Variants in CLPTM1L observed in about 807,000 individuals in gnomAD.
The protein encoded by CLPTM1L is CLPTM1 like.
In CLPTM1L, 38 loss-of-function variants were observed where a neutral mutation model predicts 70.9. The ratio of observed to expected loss-of-function variants is 0.54; its 90% CI spans 0.41 to 0.70. CLPTM1L has a LOEUF of 0.70. CLPTM1L is among the 30% of genes least tolerant of loss of function. The probability of loss-of-function intolerance (pLI) is 0.00; values close to 1 mark genes in which losing one functional copy is unlikely to be tolerated. For missense variants in CLPTM1L, 652 were observed against 705.9 expected (o/e 0.92, Z 0.87); for synonymous variants, 339 against 299.9 (o/e 1.13, Z -1.35).
At position 1,344,923 on chromosome 5, in the gene CLPTM1L, G is replaced by A. The variant is rs955324644; in HGVS notation, c.-82C>T. On this transcript the variant is annotated 5_prime_UTR_variant, in exon 1 of 17. Transcript: ENST00000320895. The stretch of plus-strand genomic sequence containing the variant: ...CGCCCGGCGCCCAGCCCGCCGCTCC[G>A]GGCTCCGCCGCTCACTGGAGAGCCG... The A allele has an allele frequency of 9.7e-6, 8 of 822,926 alleles. No individual in the cohort carries two copies. The highest frequency in any genetic ancestry group is 2.0e-5 in the African/African-American group (1 of 49,014). 51.0% of individuals were successfully genotyped at this position (822,926 alleles called of 1,614,324 possible).
In CLPTM1L at chr5:1,321,638, G is replaced by C. The variant is rs952585459; in HGVS notation, c.1413C>G (p.Tyr471Ter). 5 of 1,612,676 alleles carry C rather than the reference G, an allele frequency of 3.1e-6. No individual in the cohort carries two copies. The part of the protein sequence containing the change: ...VAHLPWKAFT[Y>*]KAFNTFIDDV... Reference sequence around the variant, plus strand: ...CCTCACCGGCTGTCACACTCACCTTGTAGGTGAAGGCCTTCCAGGGCAGAT... The same window carrying C: ...CCTCACCGGCTGTCACACTCACCTTCTAGGTGAAGGCCTTCCAGGGCAGAT... Residue 471 changes from tyrosine to a stop codon, truncating the protein, a stop_gained, in exon 15 of 17, where the codon TAC (tyrosine) becomes TAG (stop). Coordinates refer to ENST00000320895, the MANE Select transcript of CLPTM1L (RefSeq NM_030782.5). LOFTEE classifies it high-confidence loss of function.
chr5:1,343,473 G>A (rs1414484848), intron 2 of CLPTM1L, among the ~76,000 whole-genome samples: 4 of 152,326 alleles, frequency 2.6e-5, no homozygotes, highest in East Asian at 1.9e-4. Flanking sequence ...TACACGGCCC[G>A]GCACGGAAGA....
chr5:1,325,238 A>C, intron 10 of CLPTM1L: 1 of 255,224 alleles, frequency 3.9e-6, no homozygotes, highest in Admixed American at 5.0e-5. Context: ...GGAAAATCTC[A>C]GCCTGTGACT....
chr5:1,328,491 T>C (rs1181628765), intron 9 of CLPTM1L, among the ~76,000 whole-genome samples: 1 of 147,078 alleles, frequency 6.8e-6, no homozygotes, highest in African/African-American at 2.6e-5. Flanking sequence ...ATCCAGCTCC[T>C]CCTCTACAGA....
chr5:1,330,177 A>C, intron 9 of CLPTM1L, 103 bp downstream of exon 9: 3 of 910,962 alleles, frequency 3.3e-6, no homozygotes, highest in Non-Finnish European at 3.6e-6. Flanking sequence ...GAACAAGCAC[A>C]CAGGCTTCCA....
chr5:1,334,153 AGT>A, intron 7 of CLPTM1L, 134 bp downstream of exon 7: 1 of 590,582 alleles, frequency 1.7e-6, no homozygotes, highest in Non-Finnish European at 3.0e-6. Flanking sequence ...CTGGCTGCTG[AGT>A]GATGGGAGTG....
intron 16 of CLPTM1L, among the ~76,000 whole-genome samples, chr5:1,320,000 G>T (rs1217335952): frequency 6.6e-6 from 1 of 152,214 alleles, no homozygotes; most frequent in Non-Finnish European, 1.5e-5. Flanking sequence ...GGCCCAGGGT[G>T]GGGCCTGAGC....
chr5:1,341,989 C>G, intron 2 of CLPTM1L, 129 bp from the exon 3 acceptor site: 1 of 693,594 alleles, frequency 1.4e-6, no homozygotes, highest in Non-Finnish European at 2.4e-6. Context: ...TGAAACCCAC[C>G]TGCCCAGGGC....
rs535293173 is a variant in CLPTM1L at position 1,344,528 on chromosome 5, G to A, written c.163-77C>T. On this transcript the variant is annotated intron_variant, in intron 1 of 16. Coordinates refer to ENST00000320895, the MANE Select transcript of CLPTM1L (RefSeq NM_030782.5). ...CACTCAAATCCCACGGCCAGCTGGA[G>A]GGCGGAAGACCTGGCCGCTGGGGAA... 4.0e-6 allele frequency: 6 copies of A among 1,496,382 alleles called. No individual in the cohort carries two copies. In the South Asian group the frequency reaches 5.7e-5, roughly 14 times the overall value. The allele number at this position is 1,496,382 out of a possible 1,614,324, so 92.7% of individuals were successfully genotyped here.
Position 1,330,313 on chromosome 5 carries a change from C to A in CLPTM1L, c.1047G>T (p.Val349=). 1 of 1,612,868 alleles carries A rather than the reference C, an allele frequency of 6.2e-7. No individual in the cohort carries two copies. The highest frequency in any genetic ancestry group is 8.5e-7 in the Non-Finnish European group (1 of 1,179,988). ...CGGCTCCAACACCCGCCGGGACCAG[C>A]ACCAGCAGGCTCGTCTGCTCGTCCA... The part of the protein sequence containing the change: ...FLLDEQTSLL[V]LVPAGVGAAI... Residue 349 remains valine (V), a synonymous_variant, in exon 9 of 17, where the codon GTG becomes GTT. Transcript: ENST00000320895.
intron 9 of CLPTM1L, among the ~76,000 whole-genome samples, chr5:1,328,454 C>A (rs1752796759): frequency 1.3e-5 from 2 of 149,454 alleles, no homozygotes; most frequent in Admixed American, 6.6e-5. Flanking sequence ...CACATTTCAT[C>A]CAGCTCCTCC....
At chr5:1,333,349 C>CTACTGTAGACACACCGG (rs1753276873) in intron 7 of CLPTM1L, among the ~76,000 whole-genome samples, 1 of 13,072 alleles carries the variant, frequency 7.6e-5, no homozygotes. Flanking sequence ...ATACACACCA[C>CTACTGTAGACACACCGG]ATGAGGATAA....
rs191877933 is a variant in CLPTM1L at position 1,326,097 on chromosome 5, C to T, written c.1081-281G>A. 4 of 450,526 alleles carry T rather than the reference C, an allele frequency of 8.9e-6. No homozygotes were observed. The East Asian group carries it at 1.4e-4, about 16-fold the overall frequency. 27.9% of individuals were successfully genotyped at this position (450,526 alleles called of 1,614,324 possible). A position where few individuals can be genotyped will look rare whatever the true frequency, so the allele number is the denominator to read the frequency against. On this transcript the variant is annotated intron_variant, in intron 9 of 16. Transcript: ENST00000320895. ...GCAGTTCTTTACGCCACTCTGCCTG[C>T]ACCCAAATAAGCCCCCACCTACTTC... is the stretch of plus-strand genomic sequence containing the variant.
chr5:1,321,740 C>CGCGGGCA, intron 14 of CLPTM1L, 24 bp downstream of exon 14: 1 of 1,613,880 alleles, frequency 6.2e-7, no homozygotes, highest in South Asian at 1.1e-5. Flanking sequence ...GGGGCCGGGC[C>CGCGGGCA]GCGGGCAGCA....
intron 5 of CLPTM1L, among the ~76,000 whole-genome samples, chr5:1,337,487 G>C (rs554887383): frequency 6.6e-6 from 1 of 152,236 alleles, no homozygotes; most frequent in African/African-American, 2.4e-5. Context: ...TCCTCTGGCC[G>C]CCTGTGCAGG....
chr5:1,334,229 G>A, intron 7 of CLPTM1L, 60 bp downstream of exon 7: 2 of 1,268,736 alleles, frequency 1.6e-6, no homozygotes, highest in Non-Finnish European at 2.3e-6. Context: ...CCCTGCAGGA[G>A]GCCCGGGGCC....
Position 1,334,270 on chromosome 5 carries a change from C to T in CLPTM1L, c.891+19G>A. 2 of 1,603,168 alleles carry T rather than the reference C, an allele frequency of 1.2e-6. No homozygotes were observed. The highest frequency in any genetic ancestry group is 1.7e-6 in the Non-Finnish European group (2 of 1,170,616). On this transcript the variant is annotated intron_variant, in intron 7 of 16. Transcript: ENST00000320895. ...AGCCCCCCAAGTGCCTGCGGCAAGC[C>T]CCCCGGTGGATGACTCACATGGAAC...
At chr5:1,320,542 A>C (rs1388581892) in intron 16 of CLPTM1L, 74 bp downstream of exon 16, 1 of 777,354 alleles carries the variant, frequency 1.3e-6, no homozygotes, top group African/African-American at 1.8e-5. Context: ...GGTGCGGTGA[A>C]AGCCGTCATT....
At chr5:1,333,089 G>A (rs372388996) in intron 7 of CLPTM1L, among the ~76,000 whole-genome samples, 54 of 43,578 alleles carry the variant, frequency 1.2e-3, no homozygotes, top group East Asian at 6.7e-3. Flanking sequence ...TATACACACC[G>A]GATGAGGATA....
Sources: allele counts gnomAD v4.1 joint callset (sites outside exome capture counted in the v4.1 genomes callset), GRCh38; gene constraint gnomAD v4.1.1; transcripts MANE v1.5; gene names NCBI Gene and HGNC (gene_info 2026-07-23, HGNC 2026-07-21).